The following GRIN2A variants were observed in gnomAD, a reference collection of about 807,000 sequenced individuals.
GRIN2A encodes glutamate ionotropic receptor NMDA type subunit 2A.
Under a neutral mutation model 113.4 loss-of-function variants are expected in GRIN2A, and 22 were observed. That is an observed-to-expected ratio of 0.19 (90% CI 0.14 to 0.28). The LOEUF is 0.28. Ranked by LOEUF, GRIN2A falls within the 10% of genes least tolerant of loss-of-function variation. The probability of loss-of-function intolerance (pLI) is 1.00; values close to 1 mark genes in which losing one functional copy is unlikely to be tolerated. For missense variants in GRIN2A, 1,502 were observed against 1,887.0 expected (o/e 0.80, Z 3.78); for synonymous variants, 827 against 738.4 (o/e 1.12, Z -1.94).
intron 3 of GRIN2A, among the ~76,000 whole-genome samples, chr16:9,898,149 C>T (rs946433647): frequency 2.2e-5 from 3 of 137,732 alleles, no homozygotes; most frequent in African/African-American, 5.4e-5. Flanking sequence ...CTTCATAGTT[C>T]GCATAAAATG....
intron 2 of GRIN2A, among the ~76,000 whole-genome samples, chr16:9,978,739 C>T (rs2045824691): frequency 6.6e-6 from 1 of 152,194 alleles, no homozygotes; most frequent in African/African-American, 2.4e-5. Context: ...CAATTGGCAT[C>T]CCTTGGAAGA....
chr16:9,938,030 G>T lies in GRIN2A; in HGVS notation c.936C>A (p.Tyr312Ter). Residue 312 changes from tyrosine to a stop codon, truncating the protein, a stop_gained, in exon 3 of 13, where the codon TAC becomes TAA. Coordinates refer to ENST00000330684, the MANE Select transcript of GRIN2A (RefSeq NM_001134407.3). LOFTEE classifies it high-confidence loss of function. ...AGCAGCTGGCCTTGGCCTCGGGGATGTAGGAGAACTTCTCCAGCATAGAAG... is the reference window on the plus strand; with the variant it reads ...AGCAGCTGGCCTTGGCCTCGGGGATTTAGGAGAACTTCTCCAGCATAGAAG... Reference protein sequence around the residue: ...AASSMLEKFSYIPEAKASCYG... With the variant: ...AASSMLEKFS 6.2e-7 allele frequency: 1 copy of T among 1,614,086 alleles called. No homozygotes were observed. Among genetic ancestry groups the T allele is most frequent in the Non-Finnish European group, 8.5e-7 (1 of 1,179,980 alleles).
At chr16:9,785,098 C>G (rs1409156103) in intron 11 of GRIN2A, among the ~76,000 whole-genome samples, 4 of 152,034 alleles carry the variant, frequency 2.6e-5, no homozygotes, top group African/African-American at 9.7e-5. Context: ...GGTATATACC[C>G]AAAGGATTAT....
chr16:10,143,521 T>G (rs990399453), intron 2 of GRIN2A, among the ~76,000 whole-genome samples: 1 of 152,268 alleles, frequency 6.6e-6, no homozygotes, highest in Non-Finnish European at 1.5e-5. Flanking sequence ...AATTATTAAT[T>G]AAGAGGAATA....
Position 10,057,604 on chromosome 16 carries a change from A to G in GRIN2A, c.415-119053T>C, listed in dbSNP as rs186974315. Among the ~76,000 whole-genome samples the G allele has an allele frequency of 2.5e-3, 385 of 152,254 alleles. 5 individuals carry two copies. The highest frequency in any genetic ancestry group is 6.6e-4 in the Non-Finnish European group (45 of 68,000). On this transcript the variant is annotated intron_variant, in intron 2 of 12. Coordinates refer to ENST00000330684, the MANE Select transcript of GRIN2A (RefSeq NM_001134407.3). The stretch of plus-strand genomic sequence containing the variant: ...TTAGGGAGTAACAGAAAGCCTCTGT[A>G]AGGTGGAAAAACAAAACAAACTCAT...
intron 2 of GRIN2A, among the ~76,000 whole-genome samples, chr16:10,127,227 GAA>G (rs34065010): frequency 0.094 from 13,769 of 145,942 alleles, 663 homozygotes; most frequent in Middle Eastern, 0.12. Context: ...ATTCAGTCTT[GAA>G]AAAAAAAAAA....
chr16:9,828,685 G>T (rs879702154), intron 9 of GRIN2A, among the ~76,000 whole-genome samples: 1 of 152,096 alleles, frequency 6.6e-6, no homozygotes, highest in Non-Finnish European at 1.5e-5. Flanking sequence ...TTTCTGAATA[G>T]CTACTCAAAC....
At position 9,767,567 on chromosome 16, in the gene GRIN2A, C is replaced by CA. The variant is rs57918300; in HGVS notation, c.2595+1283dup. 2.4e-4 allele frequency among the ~76,000 whole-genome samples: 34 copies of CA among 142,386 alleles called. No individual in the cohort carries two copies. The South Asian group carries it at 3.1e-3, about 13-fold the overall frequency. 93.4% of individuals were successfully genotyped at this position (142,386 alleles called of 152,430 possible). ...CCTAATTAATGAAGTTCTTCCAAGGCAAAAAAACAAACAAAAACAAAAAAA... is the reference window on the plus strand; with the variant it reads ...CCTAATTAATGAAGTTCTTCCAAGGCAAAAAAAACAAACAAAAACAAAAAAA... On this transcript the variant is annotated intron_variant, in intron 12 of 12. Coordinates refer to ENST00000330684, the MANE Select transcript of GRIN2A (RefSeq NM_001134407.3).
chr16:9,874,697 T>C (rs114292287), intron 4 of GRIN2A, among the ~76,000 whole-genome samples: 1,871 of 152,268 alleles, frequency 0.012, 32 homozygotes, highest in African/African-American at 0.042. Context: ...TTTGTAACCT[T>C]AGGCAAATCA....
intron 2 of GRIN2A, among the ~76,000 whole-genome samples, chr16:10,040,868 T>A (rs542095309): frequency 2.0e-5 from 3 of 152,250 alleles, no homozygotes; most frequent in Non-Finnish European, 4.4e-5. Flanking sequence ...GCTGTGCCGA[T>A]GAGCCGTCGT....
intron 2 of GRIN2A, among the ~76,000 whole-genome samples, chr16:10,164,125 T>C (rs2049858590): frequency 6.6e-6 from 1 of 152,250 alleles, no homozygotes; most frequent in South Asian, 2.1e-4. Context: ...CTTGAGTGCA[T>C]GATGGCTCTC....
intron 2 of GRIN2A, among the ~76,000 whole-genome samples, chr16:9,968,331 G>C (rs1297165433): frequency 6.6e-6 from 1 of 152,002 alleles, no homozygotes; most frequent in African/African-American, 2.4e-5. Context: ...TATGTATTTA[G>C]AGATGGAGTT....
At chr16:10,065,346 G>T (rs2047629400) in intron 2 of GRIN2A, among the ~76,000 whole-genome samples, 1 of 152,190 alleles carries the variant, frequency 6.6e-6, no homozygotes, top group South Asian at 2.1e-4. Context: ...ATCTACTCTT[G>T]TGACATTCTA....
chr16:10,074,483 C>T (rs1030991720), intron 2 of GRIN2A, among the ~76,000 whole-genome samples: 1 of 151,402 alleles, frequency 6.6e-6, no homozygotes, highest in East Asian at 1.9e-4. Flanking sequence ...ACAATCTAAA[C>T]ATCCTACAAT....
chr16:9,867,734 C>A (rs1173467831), intron 4 of GRIN2A, among the ~76,000 whole-genome samples: 1 of 152,194 alleles, frequency 6.6e-6, no homozygotes, highest in Non-Finnish European at 1.5e-5. Context: ...ACCTCGTTGG[C>A]TGATTCATCT....
chr16:10,027,133 T>G (rs1392568255), intron 2 of GRIN2A, among the ~76,000 whole-genome samples: 1 of 152,230 alleles, frequency 6.6e-6, no homozygotes, highest in Non-Finnish European at 1.5e-5. Flanking sequence ...ATCTCCAGCA[T>G]GCACAGCCCA....
chr16:10,121,765 A>G (rs2352761), intron 2 of GRIN2A, among the ~76,000 whole-genome samples: 128,293 of 152,114 alleles, frequency 0.84, 54,908 homozygotes, highest in East Asian at 0.92. Flanking sequence ...ACAGGCAATC[A>G]TGTAGAGAAA....
Position 9,840,662 on chromosome 16 carries a change from G to C in GRIN2A, c.1636C>G (p.Pro546Ala), listed in dbSNP as rs1567337154. ...MVSRSNGTVSPSAFLEPFSAS... is the reference protein window; with the variant it reads ...MVSRSNGTVSASAFLEPFSAS... ...ATTCACACACCTAGAAAAGCAGAAG[G>C]TGAGACGGTGCCATTACTTCTTGAA... The change falls in exon 7 of 13, where the codon CCT becomes GCT. Residue 546 changes from proline to alanine, a missense_variant. Pro to Ala is a conservative substitution (Grantham distance 27). Coordinates refer to ENST00000330684, the MANE Select transcript of GRIN2A (RefSeq NM_001134407.3). The C allele has an allele frequency of 6.2e-7, 1 of 1,613,694 alleles. No homozygotes were observed. The highest frequency in any genetic ancestry group is 8.5e-7 in the Non-Finnish European group (1 of 1,179,764).
chr16:9,995,866 C>G (rs2046212609), intron 2 of GRIN2A, among the ~76,000 whole-genome samples: 2 of 151,336 alleles, frequency 1.3e-5, no homozygotes, highest in Non-Finnish European at 2.9e-5. Flanking sequence ...GTGGGATCAT[C>G]AATGAGTCTA....
Sources: gnomAD v4.1 joint callset for allele counts (sites outside exome capture counted in the v4.1 genomes callset) on GRCh38, gnomAD v4.1.1 for gene constraint, MANE v1.5 for transcripts, NCBI Gene and HGNC (gene_info 2026-07-23, HGNC 2026-07-21) for gene names.